The following TTC23 variants were observed in gnomAD, a reference collection of about 807,000 sequenced individuals.
TTC23 encodes tetratricopeptide repeat protein 23.
Under a neutral mutation model 55.1 loss-of-function variants are expected in TTC23, and 58 were observed. The ratio of observed to expected loss-of-function variants is 1.05; its 90% confidence interval spans 0.85 to 1.31. The LOEUF (loss-of-function observed/expected upper bound fraction) is 1.31, where lower values mean the gene tolerates loss of function less well. Among genes scored for constraint, TTC23 ranks in the 50% most tolerant of loss-of-function variants. TTC23 has a pLI of 0.00. For missense variants in TTC23, 516 were observed against 534.4 expected, an observed-to-expected ratio of 0.97 and a Z score of 0.34; for synonymous variants, 203 against 199.9, an observed-to-expected ratio of 1.02 and a Z score of -0.13.
chr15:99,181,883 T>C (rs2074153225), intron 9 of TTC23, among the ~76,000 whole-genome samples: 1 of 152,168 alleles, frequency 6.6e-6, no homozygotes, highest in Non-Finnish European at 1.5e-5. Context: ...CTTTTAATAG[T>C]CAGAGAAAGT....
chr15:99,189,233 T>C (rs1293890101), intron 9 of TTC23, among the ~76,000 whole-genome samples: 1 of 152,042 alleles, frequency 6.6e-6, no homozygotes, highest in East Asian at 1.9e-4. Context: ...AACATACTAA[T>C]AACAAATAAA....
At chr15:99,147,374 C>A (rs112415918) in intron 12 of TTC23, among the ~76,000 whole-genome samples, 1 of 151,804 alleles carries the variant, frequency 6.6e-6, no homozygotes, top group Non-Finnish European at 1.5e-5. Context: ...TACAGGCGCC[C>A]GCCACCACAC....
intron 8 of TTC23, among the ~76,000 whole-genome samples, chr15:99,214,080 T>C (rs1396084562): frequency 6.6e-6 from 1 of 152,228 alleles, no homozygotes; most frequent in East Asian, 1.9e-4. Flanking sequence ...TTAAAATTTT[T>C]TTAGCCATTC....
chr15:99,206,169 T>C (rs1162873033), intron 8 of TTC23, among the ~76,000 whole-genome samples: 1 of 152,220 alleles, frequency 6.6e-6, no homozygotes, highest in African/African-American at 2.4e-5. Flanking sequence ...ATCCCTGGGA[T>C]GAATTCCACT....
intron 12 of TTC23, among the ~76,000 whole-genome samples, chr15:99,141,733 T>C (rs1222297094): frequency 6.6e-6 from 1 of 152,192 alleles, no homozygotes; most frequent in African/African-American, 2.4e-5. Context: ...CTTTATAAGC[T>C]GTGGAAACTA....
intron 5 of TTC23, among the ~76,000 whole-genome samples, chr15:99,227,500 T>C (rs2078553050): frequency 6.6e-6 from 1 of 152,226 alleles, no homozygotes; most frequent in East Asian, 1.9e-4. Context: ...TTTTTGTCCA[T>C]ACCCTTCACA....
intron 9 of TTC23, among the ~76,000 whole-genome samples, chr15:99,193,770 G>A (rs2075449398): frequency 6.6e-6 from 1 of 152,102 alleles, no homozygotes; most frequent in African/African-American, 2.4e-5. Flanking sequence ...AACTTTGGGA[G>A]GCTAAGGCAG....
At chr15:99,236,414 T>C (rs2079319081) in intron 3 of TTC23, among the ~76,000 whole-genome samples, 2 of 152,188 alleles carry the variant, frequency 1.3e-5, no homozygotes, top group Admixed American at 6.5e-5. Context: ...CATGTACTTA[T>C]TGGCCATCTG....
At chr15:99,250,662 A>AT (rs564987444), upstream of TTC23, among the ~76,000 whole-genome samples, 73 of 152,356 alleles carry the variant, frequency 4.8e-4, no homozygotes, top group African/African-American at 1.5e-3. Context: ...TTTCGCTGAC[A>AT]TAATAATTTT....
At position 99,211,313 on chromosome 15, in the gene TTC23, T is replaced by C. The variant is rs1189474292; in HGVS notation, c.581+7275A>G. 2.0e-5 allele frequency among the ~76,000 whole-genome samples: 3 copies of C among 152,114 alleles called. No homozygotes were observed. The East Asian group carries it at 5.8e-4, about 29-fold the overall frequency. On this transcript the variant is annotated intron_variant, in intron 8 of 13. Transcript: ENST00000394132. ...TCGCTTGAACCTGGGAGGTGGATGT[T>C]GCAGTGAGTCAAGATCACGCCACTG...
rs538482855 is a variant in TTC23 at position 99,234,524 on chromosome 15, C to T, written c.-21+464G>A. Among the ~76,000 whole-genome samples the T allele has an allele frequency of 8.5e-4, 129 of 152,242 alleles. 1 individual carries two copies. The highest frequency in any genetic ancestry group is 3.4e-3 in the Middle Eastern group (1 of 294). On this transcript the variant is annotated intron_variant, in intron 4 of 13. Transcript: ENST00000394132. ...CAGCTGGGACTACAGGTGCCCGCCA[C>T]CATGCCTGGCTAAATTTTTTTGTAT...
At chr15:99,232,979 T>C (rs371399106) in intron 4 of TTC23, among the ~76,000 whole-genome samples, 2 of 152,208 alleles carry the variant, frequency 1.3e-5, no homozygotes, top group African/African-American at 4.8e-5. Context: ...CATCCTGTCA[T>C]TTGTGACAAC....
At chr15:99,239,446 T>C (rs1017005406) in intron 3 of TTC23, among the ~76,000 whole-genome samples, 7 of 151,620 alleles carry the variant, frequency 4.6e-5, no homozygotes, top group African/African-American at 1.5e-4. Context: ...GACCACACCA[T>C]TGCACTCCAG....
chr15:99,204,363 CCTT>C (rs1291397414), intron 8 of TTC23, among the ~76,000 whole-genome samples: 1 of 152,006 alleles, frequency 6.6e-6, no homozygotes, highest in African/African-American at 2.4e-5. Context: ...TGTTTGAACT[CCTT>C]ATTTATTCTG....
intron 9 of TTC23, among the ~76,000 whole-genome samples, chr15:99,180,625 C>T (rs1231084182): frequency 6.6e-6 from 1 of 152,218 alleles, no homozygotes; most frequent in African/African-American, 2.4e-5. Flanking sequence ...AGGCAGACCC[C>T]ATCATCTGAA....
In TTC23 at chr15:99,236,486, A is replaced by G. The variant is rs111379613; in HGVS notation, c.-113-1406T>C. Among the ~76,000 whole-genome samples, 245 of 149,880 alleles carry G rather than the reference A, an allele frequency of 1.6e-3. 2 individuals are homozygous for G. Among genetic ancestry groups the G allele is most frequent in the African/African-American group, 5.7e-3 (232 of 40,742 alleles). On this transcript the variant is annotated intron_variant, in intron 3 of 13. Transcript: ENST00000394132. ...TTCTCACTTTTTTTTTTTTTTTTGA[A>G]ACAAGGTTTTACTCTGTCACCCAAG...
At chr15:99,173,324 C>T (rs2073165964) in intron 10 of TTC23, among the ~76,000 whole-genome samples, 1 of 152,198 alleles carries the variant, frequency 6.6e-6, no homozygotes, top group Admixed American at 6.5e-5. Flanking sequence ...TCTGTGGTGG[C>T]TCATGCCTGT....
intron 8 of TTC23, among the ~76,000 whole-genome samples, chr15:99,209,304 A>G (rs543793504): frequency 6.6e-6 from 1 of 152,362 alleles, no homozygotes; most frequent in Non-Finnish European, 1.5e-5. Flanking sequence ...TCAGAATCTG[A>G]TGAGAAACCA....
At chr15:99,233,682 C>A (rs1002957547) in intron 4 of TTC23, among the ~76,000 whole-genome samples, 1 of 152,072 alleles carries the variant, frequency 6.6e-6, no homozygotes, top group African/African-American at 2.4e-5. Flanking sequence ...CGATCAGAAA[C>A]AAGACAAGAA....
Sources: gnomAD v4.1 joint callset for allele counts (sites outside exome capture counted in the v4.1 genomes callset) on GRCh38, gnomAD v4.1.1 for gene constraint, MANE v1.5 for transcripts, NCBI Gene and HGNC (gene_info 2026-07-23, HGNC 2026-07-21) for gene names.